Variants in SCNN1A observed in about 807,000 individuals in gnomAD.
SCNN1A encodes epithelial sodium channel subunit alpha.
In SCNN1A, 65 loss-of-function variants were observed where a neutral mutation model predicts 68.6. The ratio of observed to expected loss-of-function variants is 0.95; its 90% CI spans 0.78 to 1.16. The LOEUF (loss-of-function observed/expected upper bound fraction) is 1.16, where lower values mean the gene tolerates loss of function less well. SCNN1A is among the 50% of genes most tolerant of loss of function. The pLI is 0.00. For missense variants in SCNN1A, 880 were observed against 865.9 expected (o/e 1.02, Z -0.20); for synonymous variants, 357 against 353.3 (o/e 1.01, Z -0.12).
At chr12:6,352,331 T>A (rs970419881) in intron 8 of SCNN1A, among the ~76,000 whole-genome samples, 2 of 152,176 alleles carry the variant, frequency 1.3e-5, no homozygotes, top group Non-Finnish European at 2.9e-5. Flanking sequence ...CTACTTTTAG[T>A]TCCTCAGTCT....
At chr12:6,369,288 C>T (rs545422384) in intron 2 of SCNN1A, among the ~76,000 whole-genome samples, 1 of 148,644 alleles carries the variant, frequency 6.7e-6, no homozygotes, top group African/African-American at 2.5e-5. Context: ...CCTCCTGCCA[C>T]CCTACTCACC....
chr12:6,374,455 A>G lies in SCNN1A; in HGVS notation c.329T>C (p.Phe110Ser), dbSNP rs769061042. 1 of 1,614,186 alleles carries G rather than the reference A, an allele frequency of 6.2e-7. No homozygotes were observed. The highest frequency in any genetic ancestry group is 1.7e-5 in the Admixed American group (1 of 60,020). The change falls in exon 2 of 13, where the codon TTC becomes TCC. Residue 110 changes from phenylalanine to serine, a missense_variant. By Grantham distance (155) the Phe-to-Ser change is radical (BLOSUM62 -2). Coordinates refer to ENST00000228916, the MANE Select transcript of SCNN1A (RefSeq NM_001038.6). The surrounding 1 kb of genome is among the most constrained non-coding windows in gnomAD (Gnocchi z 6.2). Reference protein sequence around the residue: ...WQFGLLFGEYFSYPVSLNINL... With the variant: ...WQFGLLFGEYSSYPVSLNINL... ...GATGTTGAGGCTGACGGGGTAGCTG[A>G]AGTACTCTCCGAAAAGCAGGCCGAA...
chr12:6,355,209 C>T, intron 6 of SCNN1A, 63 bp downstream of exon 6: 6 of 1,556,750 alleles, frequency 3.9e-6, no homozygotes, highest in African/African-American at 1.4e-5. Flanking sequence ...GCCTCCCATG[C>T]CTCCCCGCTG....
intron 2 of SCNN1A, 165 bp from the exon 3 acceptor site, chr12:6,363,875 GGT>G: frequency 1.8e-6 from 1 of 556,980 alleles, no homozygotes; most frequent in South Asian, 2.8e-5. Flanking sequence ...GGCGGTGAAG[GGT>G]AAACAGGTGT....
intron 2 of SCNN1A, among the ~76,000 whole-genome samples, chr12:6,371,065 GT>G (rs1948779960): frequency 6.6e-6 from 1 of 152,154 alleles, no homozygotes; most frequent in African/African-American, 2.4e-5. Context: ...AAGGTCTTCA[GT>G]GCTTTGTCCC....
rs761450468 is a variant in SCNN1A at position 6,354,446 on chromosome 12, C to T, written c.1352G>A (p.Ser451Asn). Residue 451 changes from serine to asparagine, a missense_variant, in exon 8 of 13, where the codon AGT (serine) becomes AAT (asparagine). Coordinates refer to ENST00000228916, the MANE Select transcript of SCNN1A (RefSeq NM_001038.6). ...NVEYCDYRKH[S>N]SWGYCYYKLQ... Reference sequence around the variant, plus strand: ...GCTCCCTGGAGTCTCACCCCAGGAACTGTGCTTTCTGTAGTCACAGTACTC... The same window carrying T: ...GCTCCCTGGAGTCTCACCCCAGGAATTGTGCTTTCTGTAGTCACAGTACTC... The T allele has an allele frequency of 6.2e-7, 1 of 1,611,032 alleles. No individual in the cohort carries two copies. The highest frequency in any genetic ancestry group is 8.5e-7 in the Non-Finnish European group (1 of 1,178,402).
intron 2 of SCNN1A, among the ~76,000 whole-genome samples, chr12:6,373,440 C>T (rs1480367265): frequency 6.6e-6 from 1 of 152,212 alleles, no homozygotes; most frequent in Admixed American, 6.5e-5. Context: ...AGCAAACTAC[C>T]TGGCCTTCAA....
Position 6,355,855 on chromosome 12 carries a change from T to C in SCNN1A, c.901A>G (p.Met301Val). The C allele has an allele frequency of 6.2e-7, 1 of 1,612,464 alleles. No homozygotes were observed. The highest frequency in any genetic ancestry group is 8.5e-7 in the Non-Finnish European group (1 of 1,178,476). ...TTGAAAGTATAGCAGTTTCCATACA[T>C]CGGGTGGTGGAAGTGAGAGTAATTC... ...QANYSHFHHPMYGNCYTFNDK... is the reference protein window; with the variant it reads ...QANYSHFHHPVYGNCYTFNDK... The change falls in exon 5 of 13, where the codon ATG becomes GTG. Residue 301 changes from methionine (M) to valine (V), a missense_variant. By Grantham distance (21) the Met-to-Val change is conservative. Around this residue, in one of 3 missense-constraint regions of SCNN1A, gnomAD observed 758 missense variants for 721.8 expected, o/e 1.05. Coordinates refer to ENST00000228916, the MANE Select transcript of SCNN1A (RefSeq NM_001038.6).
At position 6,349,217 on chromosome 12, in the gene SCNN1A, T is replaced by C. The variant is rs2136850011; in HGVS notation, c.1444A>G (p.Thr482Ala). Residue 482 changes from threonine (T) to alanine (A), a missense_variant, in exon 10 of 13, where the codon ACC (threonine) becomes GCC (alanine). Around this residue, in one of 3 missense-constraint regions of SCNN1A, gnomAD observed 758 missense variants for 721.8 expected, o/e 1.05. Coordinates refer to ENST00000228916, the MANE Select transcript of SCNN1A (RefSeq NM_001038.6). ...TAACCAGCAGAGAGCTGGTAGCTGGTCACGCTGGGGATGGAGAAAGGTGCT... is the reference window on the plus strand; with the variant it reads ...TAACCAGCAGAGAGCTGGTAGCTGGCCACGCTGGGGATGGAGAAAGGTGCT... ...FTKCRKPCSV[T>A]SYQLSAGYSR... 1.2e-6 allele frequency: 2 copies of C among 1,614,130 alleles called. No homozygotes were observed.
Position 6,348,025 on chromosome 12 carries a change from G to T in SCNN1A, c.1858C>A (p.His620Asn), listed in dbSNP as rs1592057959. The change falls in exon 13 of 13, where the codon CAC becomes AAC. Residue 620 changes from histidine (H) to asparagine (N), a missense_variant. His to Asn is a moderately conservative substitution (Grantham distance 68). This residue lies in a region of SCNN1A where 758 missense variants were observed against 721.8 expected (regional missense o/e 1.05). Coordinates refer to ENST00000228916, the MANE Select transcript of SCNN1A (RefSeq NM_001038.6). ...ASSPPSHFCP[H>N]PMSLSLSQPG... ...TGGGACAAGGACAGAGACATGGGGT[G>T]GGGGCAGAAGTGGGAAGGAGGGGAG... The T allele has an allele frequency of 6.2e-7, 1 of 1,600,180 alleles. No individual in the cohort carries two copies. Among genetic ancestry groups the T allele is most frequent in the African/African-American group, 1.3e-5 (1 of 74,476 alleles).
At chr12:6,364,093 A>G (rs1257008392) in intron 2 of SCNN1A, 1 of 170,480 alleles carries the variant, frequency 5.9e-6, no homozygotes, top group Non-Finnish European at 1.2e-5. Context: ...TACCCAGGTC[A>G]TCCCGCCCTG....
At chr12:6,356,711 G>C (rs1026540112) in intron 4 of SCNN1A, among the ~76,000 whole-genome samples, 1 of 152,242 alleles carries the variant, frequency 6.6e-6, no homozygotes. Flanking sequence ...GAACAGGGAG[G>C]CTGTGTGGGT....
chr12:6,357,938 T>C (rs1172874899), intron 4 of SCNN1A, among the ~76,000 whole-genome samples: 1 of 152,142 alleles, frequency 6.6e-6, no homozygotes, highest in Non-Finnish European at 1.5e-5. Context: ...GTGGAGGTTG[T>C]CATGAGCTGA....
chr12:6,349,033 G>T, intron 10 of SCNN1A, 28 bp from the exon 11 acceptor site: 1 of 1,613,256 alleles, frequency 6.2e-7, no homozygotes, highest in Non-Finnish European at 8.5e-7. Flanking sequence ...TGTCATCAAG[G>T]TCACTCCCAT....
intron 12 of SCNN1A, 41 bp downstream of exon 12, chr12:6,348,686 G>A: frequency 6.5e-7 from 1 of 1,541,712 alleles, no homozygotes; most frequent in Non-Finnish European, 9.0e-7. Context: ...TGCTAAGTAA[G>A]ACCCCCAGAG....
chr12:6,359,810 G>A (rs914372808), intron 4 of SCNN1A, among the ~76,000 whole-genome samples: 111 of 115,776 alleles, frequency 9.6e-4, no homozygotes, highest in Admixed American at 4.0e-3. Flanking sequence ...TTGCTCTGTC[G>A]CCCAGGCTGG....
chr12:6,369,339 C>G (rs932449610), intron 2 of SCNN1A, among the ~76,000 whole-genome samples: 1 of 150,798 alleles, frequency 6.6e-6, no homozygotes, highest in South Asian at 2.1e-4. Context: ...TGCCACCCTA[C>G]GCACCTCCCT....
rs564064746 is a variant in SCNN1A at position 6,354,040 on chromosome 12, C to G, written c.1360+398G>C. Among the ~76,000 whole-genome samples, 882 of 150,726 alleles carry G rather than the reference C, an allele frequency of 5.9e-3. 10 individuals are homozygous for G. Among genetic ancestry groups the G allele is most frequent in the African/African-American group, 0.02 (833 of 41,086 alleles). Reference sequence around the variant, plus strand: ...GGTCAGGAGATTGAGACCATCCTGGCTAACAGGGTGAAACCCCGTCTCTAC... The same window carrying G: ...GGTCAGGAGATTGAGACCATCCTGGGTAACAGGGTGAAACCCCGTCTCTAC... On this transcript the variant is annotated intron_variant, in intron 8 of 12. Coordinates refer to ENST00000228916, the MANE Select transcript of SCNN1A (RefSeq NM_001038.6).
intron 4 of SCNN1A, among the ~76,000 whole-genome samples, chr12:6,358,859 CA>C (rs35673511): frequency 0.24 from 20,053 of 83,558 alleles, 1,159 homozygotes; most frequent in South Asian, 0.29. Context: ...GAACCTGTCT[CA>C]AAAAAAAAAA....
Sources: allele counts gnomAD v4.1 joint callset (sites outside exome capture counted in the v4.1 genomes callset), GRCh38; gene constraint gnomAD v4.1.1; regional missense constraint gnomAD v4.1.1; non-coding constraint Gnocchi (gnomAD v3.1); transcripts MANE v1.5; gene names NCBI Gene and HGNC (gene_info 2026-07-23, HGNC 2026-07-21).